The following CHN1 variants were observed in gnomAD, a reference collection of about 807,000 sequenced individuals.
CHN1 encodes N-chimaerin.
CHN1 carries 37 observed loss-of-function variants against 59.5 expected under a neutral mutation model. The observed-to-expected ratio is 0.62, with a 90% CI of 0.48 to 0.82. CHN1 has a LOEUF of 0.82. Ranked by LOEUF, CHN1 falls within the 40% of genes least tolerant of loss-of-function variation. The pLI is 0.00. For missense variants in CHN1, 469 were observed against 571.0 expected (o/e 0.82, Z 1.82); for synonymous variants, 206 against 200.4 (o/e 1.03, Z -0.24).
intron 9 of CHN1, chr2:174,811,957 T>C (rs1169559998): frequency 2.5e-5 from 2 of 80,346 alleles, no homozygotes; most frequent in African/African-American, 2.7e-4. Flanking sequence ...TTTTTGGCTT[T>C]ATAGATAGTT....
chr2:174,799,518 T>A lies in CHN1; in HGVS notation c.*598A>T, dbSNP rs1469560434. ...CTGTGTTGTACACTTTTTATTGGTA[T>A]GGATAACCTTTATTAAAGTAACAAA... On this transcript the variant is annotated 3_prime_UTR_variant, in exon 13 of 13. Transcript: ENST00000409900. The A allele has an allele frequency of 9.7e-6, 5 of 517,854 alleles. No homozygotes were observed. In the Admixed American group the frequency reaches 1.1e-4, roughly 12 times the overall value. The allele number at this position is 517,854 out of a possible 1,614,324, so 32.1% of individuals were successfully genotyped here. A position where few individuals can be genotyped will look rare whatever the true frequency, so the allele number is the denominator to read the frequency against.
At chr2:174,932,522 T>C (rs887259657) in intron 3 of CHN1, among the ~76,000 whole-genome samples, 2 of 152,208 alleles carry the variant, frequency 1.3e-5, no homozygotes, top group South Asian at 4.1e-4. Flanking sequence ...TCTCACAGTT[T>C]CCACAGTTCA....
At chr2:175,001,721 G>A (rs561149721) in intron 1 of CHN1, among the ~76,000 whole-genome samples, 59 of 152,324 alleles carry the variant, frequency 3.9e-4, no homozygotes, top group African/African-American at 1.4e-3. Context: ...AATCGCATCA[G>A]TTGGTCTGGG....
intron 8 of CHN1, among the ~76,000 whole-genome samples, chr2:174,819,665 T>TTTA (rs891877677): frequency 3.3e-5 from 5 of 151,872 alleles, no homozygotes; most frequent in East Asian, 1.9e-4. Context: ...ACTTGATTTT[T>TTTA]TTATTATTAT....
intron 7 of CHN1, chr2:174,837,191 C>G (rs1483035487): frequency 6.6e-6 from 1 of 152,098 alleles, no homozygotes; most frequent in Admixed American, 6.5e-5. Context: ...GAGTAATGAG[C>G]TGTAACAGCA....
At chr2:174,829,389 GAA>G (rs1254104033) in intron 7 of CHN1, among the ~76,000 whole-genome samples, 7 of 152,200 alleles carry the variant, frequency 4.6e-5, no homozygotes, top group African/African-American at 1.7e-4. Context: ...GATAAAAACT[GAA>G]GTCATTCTCA....
intron 3 of CHN1, among the ~76,000 whole-genome samples, chr2:174,928,307 C>T (rs1262443776): frequency 1.3e-5 from 2 of 152,144 alleles, no homozygotes; most frequent in Non-Finnish European, 2.9e-5. Flanking sequence ...GAATAACAAA[C>T]TTTACAAGTT....
intron 8 of CHN1, 138 bp from the exon 9 acceptor site, chr2:174,812,620 G>A: frequency 4.5e-6 from 3 of 667,506 alleles, no homozygotes; most frequent in Non-Finnish European, 7.3e-6. Flanking sequence ...TTCTTTCTTG[G>A]TGGAAAAACA....
At chr2:174,821,622 C>CA in intron 8 of CHN1, 1 of 292,152 alleles carries the variant, frequency 3.4e-6, no homozygotes. Flanking sequence ...GAGTTGGCCC[C>CA]TTTTATACTC....
chr2:174,977,059 T>C (rs903949714), intron 1 of CHN1, among the ~76,000 whole-genome samples: 2 of 152,208 alleles, frequency 1.3e-5, no homozygotes, highest in African/African-American at 4.8e-5. Flanking sequence ...CTGTCAATTC[T>C]TGAGTTTGAT....
chr2:174,807,294 C>T (rs898776594), intron 11 of CHN1, among the ~76,000 whole-genome samples: 5 of 152,302 alleles, frequency 3.3e-5, no homozygotes, highest in Non-Finnish European at 7.3e-5. Context: ...GTTTGCATCA[C>T]TGCTTTGTCC....
chr2:174,884,269 C>T (rs1479857981), intron 5 of CHN1, among the ~76,000 whole-genome samples: 1 of 151,760 alleles, frequency 6.6e-6, no homozygotes, highest in Non-Finnish European at 1.5e-5. Context: ...CCGAGCCCGG[C>T]CTGAAAGTCT....
At chr2:174,996,261 C>T (rs1328421383) in intron 1 of CHN1, among the ~76,000 whole-genome samples, 3 of 152,204 alleles carry the variant, frequency 2.0e-5, no homozygotes, top group Non-Finnish European at 4.4e-5. Context: ...TTGATCTTCA[C>T]TGTAAGCCCC....
chr2:174,946,203 T>G (rs1023393045), intron 2 of CHN1, among the ~76,000 whole-genome samples: 22 of 152,106 alleles, frequency 1.4e-4, no homozygotes, highest in Non-Finnish European at 3.1e-4. Context: ...TATAAATAAT[T>G]TATGTGAAAG....
At chr2:174,961,184 AGAGGGAAGG>A (rs964368063) in intron 1 of CHN1, among the ~76,000 whole-genome samples, 23 of 59,196 alleles carry the variant, frequency 3.9e-4, no homozygotes, top group Admixed American at 6.6e-4. Context: ...TGGAAGGAAC[AGAGGGAAGG>A]GAGGGAAGGG....
intron 5 of CHN1, among the ~76,000 whole-genome samples, chr2:174,890,882 C>A (rs11891251): frequency 0.041 from 6,283 of 152,042 alleles, 462 homozygotes; most frequent in African/African-American, 0.14. Flanking sequence ...TACCAAGTAT[C>A]TTTTCTGATC....
intron 7 of CHN1, among the ~76,000 whole-genome samples, chr2:174,830,578 G>T (rs1055611152): frequency 1.3e-5 from 2 of 152,184 alleles, no homozygotes; most frequent in African/African-American, 4.8e-5. Flanking sequence ...GCCATTCCTA[G>T]TCTTCTTGTC....
chr2:174,865,157 C>T (rs779614527), intron 6 of CHN1, among the ~76,000 whole-genome samples: 5 of 152,146 alleles, frequency 3.3e-5, no homozygotes, highest in Non-Finnish European at 7.4e-5. Context: ...TTGGAATCTT[C>T]GTTCCTTCAG....
chr2:174,840,161 CTTTTTTTTTT>C (rs71407154), intron 7 of CHN1, among the ~76,000 whole-genome samples: 30 of 67,406 alleles, frequency 4.5e-4, no homozygotes, highest in Admixed American at 1.4e-3. Flanking sequence ...TAAAACCATT[CTTTTTTTTTT>C]TTTTTTTTTT....
Sources: allele counts gnomAD v4.1 joint callset (sites outside exome capture counted in the v4.1 genomes callset), GRCh38; gene constraint gnomAD v4.1.1; transcripts MANE v1.5; gene names NCBI Gene and HGNC (gene_info 2026-07-23, HGNC 2026-07-21).